AUH: variants seen among roughly 807,000 people sequenced by gnomAD.
AUH encodes the protein methylglutaconyl-CoA hydratase, mitochondrial.
In AUH, 29 loss-of-function variants were observed where a neutral mutation model predicts 42.3. The ratio of observed to expected loss-of-function variants is 0.69; its 90% confidence interval spans 0.51 to 0.93. The LOEUF is 0.93. Ranked by LOEUF, AUH falls within the 40% of genes least tolerant of loss-of-function variation. The pLI is 0.00. For synonymous variants in AUH, 174 were observed against 166.4 expected (o/e 1.05, Z -0.35); for missense variants, 452 against 438.1 (o/e 1.03, Z -0.28).
chr9:91,230,539 C>T, intron 6 of AUH, among the ~76,000 whole-genome samples: 1 of 152,348 alleles, frequency 6.6e-6, no homozygotes, highest in East Asian at 1.9e-4. Context: ...CGTCTGAAGC[C>T]TTCTTCTCTC....
chr9:91,228,201 T>TA (rs1199164871), intron 6 of AUH, among the ~76,000 whole-genome samples: 2 of 152,198 alleles, frequency 1.3e-5, no homozygotes, highest in African/African-American at 4.8e-5. Flanking sequence ...TTTTGGTTGG[T>TA]AAGCTATTGA....
chr9:91,361,916 G>C lies in AUH; in HGVS notation c.-27C>G, dbSNP rs1449018657. 9 of 1,359,768 alleles carry C rather than the reference G, an allele frequency of 6.6e-6. No homozygotes were observed. 84.2% of individuals were successfully genotyped at this position (1,359,768 alleles called of 1,614,324 possible). A position where few individuals can be genotyped will look rare whatever the true frequency, so the allele number is the denominator to read the frequency against. On this transcript the variant is annotated 5_prime_UTR_variant, in exon 1 of 10. Coordinates refer to ENST00000375731, the MANE Select transcript of AUH (RefSeq NM_001698.3). ...TTGTCTGTTTACGGCGTGGACCTGC[G>C]ACGGCCGCTCCGCCCCCGCCCGGCG... is the stretch of plus-strand genomic sequence containing the variant.
intron 6 of AUH, among the ~76,000 whole-genome samples, chr9:91,233,426 C>T (rs566135903): frequency 6.6e-6 from 1 of 152,218 alleles, no homozygotes; most frequent in African/African-American, 2.4e-5. Flanking sequence ...CCAAAAGGAC[C>T]TGGGGTTTAC....
At chr9:91,337,248 GT>G (rs1245153672) in intron 3 of AUH, among the ~76,000 whole-genome samples, 1 of 152,144 alleles carries the variant, frequency 6.6e-6, no homozygotes, top group Non-Finnish European at 1.5e-5. Context: ...AAATTCATGT[GT>G]TTTCTTTGTA....
intron 6 of AUH, among the ~76,000 whole-genome samples, chr9:91,267,237 T>C (rs555171852): frequency 4.6e-5 from 7 of 151,744 alleles, no homozygotes; most frequent in African/African-American, 1.7e-4. Flanking sequence ...ATAATGTCTT[T>C]AAAAAAAAAC....
At chr9:91,312,313 T>C (rs1373424859) in intron 4 of AUH, among the ~76,000 whole-genome samples, 1 of 152,156 alleles carries the variant, frequency 6.6e-6, no homozygotes, top group African/African-American at 2.4e-5. Context: ...AAAATGTGAA[T>C]ATAACAGGAG....
intron 7 of AUH, among the ~76,000 whole-genome samples, chr9:91,219,589 A>T (rs1827017843): frequency 6.6e-6 from 1 of 152,222 alleles, no homozygotes; most frequent in African/African-American, 2.4e-5. Context: ...TTGAGCATCT[A>T]CTGAATGTAT....
intron 4 of AUH, among the ~76,000 whole-genome samples, chr9:91,321,360 T>G (rs896610769): frequency 2.6e-5 from 4 of 152,224 alleles, no homozygotes; most frequent in Admixed American, 1.3e-4. Flanking sequence ...TTTTTAAGAT[T>G]GGATGAACTT....
At position 91,220,812 on chromosome 9, in the gene AUH, A is replaced by G. The variant is rs1403379049; in HGVS notation, c.836T>C (p.Leu279Ser). The G allele has an allele frequency of 1.2e-6, 2 of 1,614,186 alleles. No individual in the cohort carries two copies. Among genetic ancestry groups the G allele is most frequent in the Admixed American group, 3.3e-5 (2 of 60,028 alleles). ...RKALDLAREFLPQGPVAMRVA... is the reference protein window; with the variant it reads ...RKALDLAREFSPQGPVAMRVA... ...TCATTTAATGAGAAATACCTGAGGT[A>G]AAAACTCTCTCGCCAGGTCCAAGGC... Residue 279 changes from leucine (L) to serine (S), a missense_variant, in exon 7 of 10, where the codon TTA becomes TCA. Physicochemically the swap from Leu to Ser is moderately radical, Grantham distance 145. Transcript: ENST00000375731.
intron 6 of AUH, among the ~76,000 whole-genome samples, chr9:91,253,916 T>G (rs1829270671): frequency 6.6e-6 from 1 of 152,226 alleles, no homozygotes; most frequent in African/African-American, 2.4e-5. Flanking sequence ...AGACAAGCTA[T>G]AAATATGTTG....
At chr9:91,246,008 T>C (rs2131361852) in intron 6 of AUH, among the ~76,000 whole-genome samples, 1 of 152,238 alleles carries the variant, frequency 6.6e-6, no homozygotes, top group African/African-American at 2.4e-5. Flanking sequence ...TGGGAAACCA[T>C]ATTAAGCAAA....
At chr9:91,259,027 G>C (rs1040151986) in intron 6 of AUH, among the ~76,000 whole-genome samples, 2 of 152,116 alleles carry the variant, frequency 1.3e-5, no homozygotes, top group Admixed American at 6.5e-5. Flanking sequence ...GGTAATGCTG[G>C]CCTGGCCTCA....
At chr9:91,278,608 C>T (rs1825728688) in intron 6 of AUH, among the ~76,000 whole-genome samples, 1 of 152,176 alleles carries the variant, frequency 6.6e-6, no homozygotes, top group African/African-American at 2.4e-5. Flanking sequence ...TCTGGATATA[C>T]AGTAAGATAA....
intron 6 of AUH, among the ~76,000 whole-genome samples, chr9:91,276,169 C>T (rs1825525598): frequency 6.6e-6 from 1 of 152,032 alleles, no homozygotes; most frequent in Non-Finnish European, 1.5e-5. Context: ...TGGCTCATGC[C>T]TATAATCTCA....
Position 91,220,940 on chromosome 9 carries a change from G to C in AUH, c.708C>G (p.Leu236=), listed in dbSNP as rs1461559557. The change falls in exon 7 of 10, where the codon CTC becomes CTG. Residue 236 remains leucine (L), a synonymous_variant. Coordinates refer to ENST00000375731, the MANE Select transcript of AUH (RefSeq NM_001698.3). Reference sequence around the variant, plus strand: ...CATCGAGGACTCGCGCAGAGAATATGAGCTCCTTGGCCAGGGACATTCCAA... The same window carrying C: ...CATCGAGGACTCGCGCAGAGAATATCAGCTCCTTGGCCAGGGACATTCCAA... ...RAIGMSLAKE[L]IFSARVLDGK... is the part of the protein sequence containing the mutation. The C allele has an allele frequency of 4.3e-6, 7 of 1,614,108 alleles. No homozygotes were observed. The Admixed American group carries it at 1.2e-4, about 27-fold the overall frequency.
chr9:91,284,278 G>T (rs1446851160), intron 6 of AUH, among the ~76,000 whole-genome samples: 5 of 152,120 alleles, frequency 3.3e-5, no homozygotes, highest in Non-Finnish European at 5.9e-5. Flanking sequence ...GGCTGAAACT[G>T]GATCCCTTCC....
At chr9:91,221,133 G>A (rs201284750) in intron 6 of AUH, 141 bp from the exon 7 acceptor site, 1 of 906,744 alleles carries the variant, frequency 1.1e-6, no homozygotes, top group South Asian at 1.6e-5. Flanking sequence ...AACTACTTCA[G>A]AACAGAATCT....
At chr9:91,323,323 C>T (rs1829727387) in intron 4 of AUH, among the ~76,000 whole-genome samples, 1 of 152,106 alleles carries the variant, frequency 6.6e-6, no homozygotes, top group Admixed American at 6.6e-5. Context: ...AAAATAAGCA[C>T]ATAAAAGTTA....
chr9:91,230,902 T>A (rs1422955861), intron 6 of AUH, among the ~76,000 whole-genome samples: 1 of 152,204 alleles, frequency 6.6e-6, no homozygotes, highest in Non-Finnish European at 1.5e-5. Flanking sequence ...GAGGAGGCAG[T>A]CTGCCCGTTC....
Sources: gnomAD v4.1 joint callset for allele counts (sites outside exome capture counted in the v4.1 genomes callset) on GRCh38, gnomAD v4.1.1 for gene constraint, MANE v1.5 for transcripts, NCBI Gene and HGNC (gene_info 2026-07-23, HGNC 2026-07-21) for gene names.